Variants in NRIP1 observed in about 807,000 individuals in gnomAD.
The protein encoded by NRIP1 is nuclear receptor-interacting protein 1.
Under a neutral mutation model 75.0 loss-of-function variants are expected in NRIP1, and 28 were observed. The ratio of observed to expected loss-of-function variants is 0.37; its 90% confidence interval spans 0.28 to 0.51. NRIP1 has a LOEUF of 0.51. NRIP1 is among the 20% of genes least tolerant of loss of function. NRIP1 has a pLI of 0.92. For synonymous variants in NRIP1, 526 were observed against 487.6 expected (o/e 1.08, Z -1.04); for missense variants, 1,435 against 1,343.7 (o/e 1.07, Z -1.06).
chr21:15,034,204 G>C (rs1325800806), intron 2 of NRIP1, among the ~76,000 whole-genome samples: 3 of 152,092 alleles, frequency 2.0e-5, no homozygotes, highest in Non-Finnish European at 4.4e-5. Flanking sequence ...GGAAATGTTG[G>C]TACTTTAAAA....
At chr21:15,024,445 A>G (rs967485656) in intron 2 of NRIP1, among the ~76,000 whole-genome samples, 13 of 151,958 alleles carry the variant, frequency 8.6e-5, no homozygotes, top group South Asian at 4.1e-4. Flanking sequence ...GGGAGGCTGA[A>G]GCAGGAGAAT....
At chr21:15,018,772 G>T (rs1454462550) in intron 2 of NRIP1, among the ~76,000 whole-genome samples, 3 of 152,118 alleles carry the variant, frequency 2.0e-5, no homozygotes, top group Admixed American at 6.5e-5. Flanking sequence ...AGGAGTTGGG[G>T]TTATTTTCCC....
chr21:15,058,821 T>C (rs530263810), intron 1 of NRIP1, among the ~76,000 whole-genome samples: 1 of 152,302 alleles, frequency 6.6e-6, no homozygotes, highest in South Asian at 2.1e-4. Flanking sequence ...AGGAAAGCCA[T>C]CTTAGACACT....
chr21:15,035,723 A>AT (rs1240960928), intron 2 of NRIP1, among the ~76,000 whole-genome samples: 1 of 151,736 alleles, frequency 6.6e-6, no homozygotes, highest in Non-Finnish European at 1.5e-5. Context: ...TGGCCGGTTG[A>AT]TTTTTTGTAT....
At chr21:14,985,703 C>T (rs1345908225) in intron 3 of NRIP1, among the ~76,000 whole-genome samples, 1 of 152,028 alleles carries the variant, frequency 6.6e-6, no homozygotes, top group African/African-American at 2.4e-5. Context: ...GTTGCTGTTT[C>T]CCATGTCAAG....
chr21:15,055,081 C>G (rs1038102948), intron 1 of NRIP1, among the ~76,000 whole-genome samples: 2 of 152,104 alleles, frequency 1.3e-5, no homozygotes, highest in East Asian at 1.9e-4. Flanking sequence ...GGGGTGTAGA[C>G]CAACGTGCAC....
At chr21:15,047,892 A>C (rs1042602613) in intron 1 of NRIP1, among the ~76,000 whole-genome samples, 1 of 152,252 alleles carries the variant, frequency 6.6e-6, no homozygotes, top group Non-Finnish European at 1.5e-5. Flanking sequence ...CACTGAGCTT[A>C]ACCTTTTCTA....
At chr21:15,031,638 C>T (rs1180466633) in intron 2 of NRIP1, among the ~76,000 whole-genome samples, 2 of 82,496 alleles carry the variant, frequency 2.4e-5, no homozygotes, top group South Asian at 4.0e-4. Flanking sequence ...CTCTGGAAGG[C>T]GCTCGGAGGA....
At chr21:15,028,309 T>C (rs149623232) in intron 2 of NRIP1, among the ~76,000 whole-genome samples, 9 of 152,346 alleles carry the variant, frequency 5.9e-5, no homozygotes, top group African/African-American at 1.9e-4. Flanking sequence ...GCATAAGATA[T>C]ACTGTACTGA....
chr21:14,975,063 T>C (rs1222242326), intron 3 of NRIP1, among the ~76,000 whole-genome samples: 1 of 151,244 alleles, frequency 6.6e-6, no homozygotes, highest in Non-Finnish European at 1.5e-5. Flanking sequence ...CAGTAAGCCA[T>C]GATAGCACCT....
rs1160757558 is a variant in NRIP1, at chr21:14,964,938, TTG to T, written c.3253_3254del (p.Gln1085ArgfsTer12). ...GGNSVTSRET[Q>X]DKDIWREASS... ...AAGCCTCCCTCCAAATGTCCTTGTC[TTG>T]TGTTTCTCGACTGGTAACAGAATTG... On this transcript the variant is annotated frameshift_variant, in exon 4 of 4. Coordinates refer to ENST00000318948, the MANE Select transcript of NRIP1 (RefSeq NM_003489.4). LOFTEE classifies it high-confidence loss of function. 1 of 1,613,920 alleles carries T rather than the reference TTG, an allele frequency of 6.2e-7. No individual in the cohort carries two copies. Among genetic ancestry groups the T allele is most frequent in the Non-Finnish European group, 8.5e-7 (1 of 1,179,876 alleles).
chr21:15,031,874 T>C (rs1030074466), intron 2 of NRIP1, among the ~76,000 whole-genome samples: 1 of 151,122 alleles, frequency 6.6e-6, no homozygotes, highest in Non-Finnish European at 1.5e-5. Flanking sequence ...TCTATGTGTA[T>C]ACACTCTGGA....
chr21:15,037,106 A>G (rs1326476401), intron 2 of NRIP1, among the ~76,000 whole-genome samples: 1 of 152,218 alleles, frequency 6.6e-6, no homozygotes, highest in Admixed American at 6.5e-5. Flanking sequence ...TTATTCAGGT[A>G]AGGAACATTA....
In NRIP1 at chr21:14,964,490, A is replaced by C. The variant is rs1158148556; in HGVS notation, c.*226T>G. On this transcript the variant is annotated 3_prime_UTR_variant, in exon 4 of 4. Coordinates refer to ENST00000318948, the MANE Select transcript of NRIP1 (RefSeq NM_003489.4). ...CTCACAGTTGTTATCTGATGCATACAGAAGTGTTAAACAACCAATTGCTAG... is the reference window on the plus strand; with the variant it reads ...CTCACAGTTGTTATCTGATGCATACCGAAGTGTTAAACAACCAATTGCTAG... 4.9e-6 allele frequency: 2 copies of C among 411,632 alleles called. No homozygotes were observed. The highest frequency in any genetic ancestry group is 8.6e-6 in the Non-Finnish European group (2 of 233,170). The allele number at this position is 411,632 out of a possible 1,614,324, so 25.5% of individuals were successfully genotyped here. A position where few individuals can be genotyped will look rare whatever the true frequency, so the allele number is the denominator to read the frequency against.
At chr21:15,016,137 A>G (rs1044582325) in intron 2 of NRIP1, among the ~76,000 whole-genome samples, 2 of 152,238 alleles carry the variant, frequency 1.3e-5, no homozygotes, top group Admixed American at 6.5e-5. Flanking sequence ...ACTCGGTGAA[A>G]TGAGCAGAGA....
At chr21:14,976,986 G>T (rs1356182618) in intron 3 of NRIP1, among the ~76,000 whole-genome samples, 1 of 152,084 alleles carries the variant, frequency 6.6e-6, no homozygotes. Context: ...ATACCTATTT[G>T]AGTACTGAAT....
Position 14,967,031 on chromosome 21 carries a change from T to G in NRIP1, c.1162A>C (p.Thr388Pro). The change falls in exon 4 of 4, where the codon ACT (threonine) becomes CCT (proline). Residue 388 changes from threonine (T) to proline (P), a missense_variant. Transcript: ENST00000318948. ...TGTCCATTCATTGGCTTAGGTATAG[T>G]CTGGCTTTTAAGAAGATGTAAAAGC... ...SLLLHLLKSQTIPKPMNGHSH... is the reference protein window; with the variant it reads ...SLLLHLLKSQPIPKPMNGHSH... 6.2e-7 allele frequency: 1 copy of G among 1,614,156 alleles called. No individual in the cohort carries two copies. Among genetic ancestry groups the G allele is most frequent in the Non-Finnish European group, 8.5e-7 (1 of 1,180,016 alleles).
chr21:15,012,290 T>G (rs1234154545), intron 3 of NRIP1, among the ~76,000 whole-genome samples: 1 of 152,088 alleles, frequency 6.6e-6, no homozygotes, highest in African/African-American at 2.4e-5. Flanking sequence ...GAAAACATAT[T>G]TAACACAACA....
chr21:14,977,906 C>A (rs1299970728), intron 3 of NRIP1, among the ~76,000 whole-genome samples: 1 of 152,182 alleles, frequency 6.6e-6, no homozygotes, highest in Non-Finnish European at 1.5e-5. Context: ...TGAGGAGTTT[C>A]TTGCTCTCTC....
Sources: gnomAD v4.1 joint callset for allele counts (sites outside exome capture counted in the v4.1 genomes callset) on GRCh38, gnomAD v4.1.1 for gene constraint, MANE v1.5 for transcripts, NCBI Gene and HGNC (gene_info 2026-07-23, HGNC 2026-07-21) for gene names.